The following ARHGAP6 variants were observed in gnomAD, a reference collection of about 807,000 sequenced individuals.
ARHGAP6 encodes the protein rho GTPase-activating protein 6.
A neutral mutation model predicts 55.7 loss-of-function variants in ARHGAP6; 16 were observed. The ratio of observed to expected loss-of-function variants is 0.29; its 90% CI spans 0.19 to 0.44. The LOEUF (loss-of-function observed/expected upper bound fraction) is 0.44, where lower values mean the gene tolerates loss of function less well. ARHGAP6 is among the 20% of genes least tolerant of loss of function. The probability of loss-of-function intolerance (pLI) is 1.00; values close to 1 mark genes in which losing one functional copy is unlikely to be tolerated. For missense variants in ARHGAP6, 698 were observed against 808.9 expected (o/e 0.86, Z 1.66); for synonymous variants, 382 against 360.9 (o/e 1.06, Z -0.66).
At chrX:11,242,650 A>C (rs1393779760) in intron 2 of ARHGAP6, among the ~76,000 whole-genome samples, 3 of 112,069 alleles carry the variant, frequency 2.7e-5, no homozygotes, top group Non-Finnish European at 5.6e-5. Context: ...ATATCGGGGC[A>C]GGGAAAATGG....
At position 11,552,808 on chromosome X, in the gene ARHGAP6, T is replaced by C. The variant is rs750178715; in HGVS notation, c.588+111433A>G. The stretch of plus-strand genomic sequence containing the variant: ...ATAGAAGCAGAGAGTAGAATGGTGG[T>C]TGATAGGGGCTGGAGATGGAGAGGG... On this transcript the variant is annotated intron_variant, in intron 1 of 12. Transcript: ENST00000337414. Among the ~76,000 whole-genome samples the C allele has an allele frequency of 7.5e-5, 8 of 106,795 alleles. No homozygotes were observed. The South Asian group carries it at 3.4e-3, about 46-fold the overall frequency. The allele number at this position is 106,795 out of a possible 115,157, so 92.7% of individuals were successfully genotyped here. A position where few individuals can be genotyped will look rare whatever the true frequency, so the allele number is the denominator to read the frequency against.
intron 1 of ARHGAP6, among the ~76,000 whole-genome samples, chrX:11,573,130 T>A (rs1429179532): frequency 2.7e-5 from 3 of 111,564 alleles, no homozygotes; most frequent in Non-Finnish European, 5.6e-5. Context: ...TACCATTTTG[T>A]AGGTTGCCTG....
chrX:11,489,158 G>A (rs930160402), intron 1 of ARHGAP6, among the ~76,000 whole-genome samples: 4 of 111,544 alleles, frequency 3.6e-5, no homozygotes, highest in African/African-American at 1.3e-4. Context: ...TCTGTAAAAA[G>A]CATAGAAAAA....
intron 1 of ARHGAP6, among the ~76,000 whole-genome samples, chrX:11,418,190 T>C (rs1401082996): frequency 8.9e-6 from 1 of 111,929 alleles, no homozygotes; most frequent in East Asian, 2.8e-4. Context: ...GCAGGATGAA[T>C]ATTTATGAAA....
At chrX:11,159,373 T>G (rs2147290977) in intron 9 of ARHGAP6, among the ~76,000 whole-genome samples, 1 of 111,435 alleles carries the variant, frequency 9.0e-6, no homozygotes, top group African/African-American at 3.3e-5. Flanking sequence ...GAGGGCCTGC[T>G]GATCTACCCA....
At chrX:11,562,777 C>A (rs1163008329) in intron 1 of ARHGAP6, among the ~76,000 whole-genome samples, 1 of 111,967 alleles carries the variant, frequency 8.9e-6, no homozygotes, top group Non-Finnish European at 1.9e-5. Context: ...TGGCTCCCAC[C>A]TTTGAAACGC....
intron 1 of ARHGAP6, among the ~76,000 whole-genome samples, chrX:11,461,498 C>A (rs1425381585): frequency 9.0e-6 from 1 of 111,681 alleles, no homozygotes; most frequent in Non-Finnish European, 1.9e-5. Flanking sequence ...TCACTTCTAT[C>A]CCCCAAGTGC....
At chrX:11,648,113 C>G (rs1031348520) in intron 1 of ARHGAP6, among the ~76,000 whole-genome samples, 5 of 111,836 alleles carry the variant, frequency 4.5e-5, no homozygotes, top group African/African-American at 1.6e-4. Context: ...GGTAACTATA[C>G]CTAATAACAA....
At chrX:11,228,633 A>T (rs1450223540) in intron 2 of ARHGAP6, among the ~76,000 whole-genome samples, 27 of 112,388 alleles carry the variant, frequency 2.4e-4, no homozygotes, top group African/African-American at 8.4e-4. Flanking sequence ...AGTACTGCAT[A>T]TTTAATCTTA....
chrX:11,280,779 C>T (rs1247337661), intron 1 of ARHGAP6, among the ~76,000 whole-genome samples: 5 of 104,600 alleles, frequency 4.8e-5, no homozygotes, highest in African/African-American at 1.4e-4. Context: ...AAATTTTTTT[C>T]GGAGCAGTTC....
At chrX:11,586,740 T>C (rs1601672748) in intron 1 of ARHGAP6, among the ~76,000 whole-genome samples, 1 of 112,175 alleles carries the variant, frequency 8.9e-6, no homozygotes, top group East Asian at 2.8e-4. Context: ...GGAATAGCAC[T>C]GACTCTATAA....
chrX:11,448,644 T>C (rs1327116728), intron 1 of ARHGAP6, among the ~76,000 whole-genome samples: 2 of 111,379 alleles, frequency 1.8e-5, no homozygotes, highest in Non-Finnish European at 3.8e-5. Flanking sequence ...TGCTGTATAG[T>C]TGTGATATAA....
At chrX:11,536,534 A>G (rs1203280655) in intron 1 of ARHGAP6, among the ~76,000 whole-genome samples, 1 of 112,207 alleles carries the variant, frequency 8.9e-6, no homozygotes, top group African/African-American at 3.2e-5. Context: ...AACTCCTTGA[A>G]TGTGAATCCT....
intron 1 of ARHGAP6, among the ~76,000 whole-genome samples, chrX:11,353,109 C>T (rs2048883048): frequency 8.9e-6 from 1 of 111,820 alleles, no homozygotes; most frequent in Non-Finnish European, 1.9e-5. Context: ...GCATGCACAT[C>T]TGTGTTGGTT....
chrX:11,662,162 A>G (rs762240916), intron 1 of ARHGAP6, among the ~76,000 whole-genome samples: 28 of 112,271 alleles, frequency 2.5e-4, no homozygotes, highest in Non-Finnish European at 3.9e-4. Flanking sequence ...CTCTCCTTTA[A>G]GGACCAAAGA....
chrX:11,392,455 A>C (rs377316210), intron 1 of ARHGAP6, among the ~76,000 whole-genome samples: 1 of 111,775 alleles, frequency 8.9e-6, no homozygotes, highest in Non-Finnish European at 1.9e-5. Flanking sequence ...AACCATTCCC[A>C]TGCCCTGCTG....
chrX:11,353,691 G>C (rs2048890586), intron 1 of ARHGAP6, among the ~76,000 whole-genome samples: 1 of 109,467 alleles, frequency 9.1e-6, no homozygotes, highest in Non-Finnish European at 1.9e-5. Context: ...TAAGGAGTTT[G>C]AAATTAGAGA....
chrX:11,141,343 G>A (rs972192407), intron 12 of ARHGAP6, among the ~76,000 whole-genome samples: 15 of 109,983 alleles, frequency 1.4e-4, no homozygotes, highest in Non-Finnish European at 2.5e-4. Context: ...ACAGAGAAGA[G>A]ACAGTGATAA....
At chrX:11,445,583 A>G (rs1182116215) in intron 1 of ARHGAP6, among the ~76,000 whole-genome samples, 2 of 112,171 alleles carry the variant, frequency 1.8e-5, no homozygotes, top group African/African-American at 6.5e-5. Flanking sequence ...GATGTAGCCA[A>G]TGCTTTTTAG....
Sources: gnomAD v4.1 joint callset for allele counts (sites outside exome capture counted in the v4.1 genomes callset) on GRCh38, gnomAD v4.1.1 for gene constraint, MANE v1.5 for transcripts, NCBI Gene and HGNC (gene_info 2026-07-23, HGNC 2026-07-21) for gene names.